Variants in HELZ observed in about 807,000 individuals in gnomAD.
HELZ encodes ATP-dependent RNA helicase with zinc finger domain.
Under a neutral mutation model 218.2 loss-of-function variants are expected in HELZ, and 23 were observed. The observed-to-expected ratio is 0.11, with a 90% confidence interval of 0.08 to 0.15. The LOEUF (loss-of-function observed/expected upper bound fraction) is 0.15, where lower values mean the gene tolerates loss of function less well. HELZ is among the 10% of genes least tolerant of loss of function. The probability of loss-of-function intolerance (pLI) is 1.00; values close to 1 mark genes in which losing one functional copy is unlikely to be tolerated. For missense variants in HELZ, 1,813 were observed against 2,353.7 expected (o/e 0.77, Z 4.75); for synonymous variants, 814 against 829.4 (o/e 0.98, Z 0.32).
intron 32 of HELZ, among the ~76,000 whole-genome samples, chr17:67,081,112 G>A (rs1033419980): frequency 4.6e-5 from 7 of 152,214 alleles, no homozygotes; most frequent in African/African-American, 1.4e-4. Flanking sequence ...TTGAAACACT[G>A]TCATGGCAGA....
At chr17:67,162,734 A>T (rs1416210760) in intron 15 of HELZ, among the ~76,000 whole-genome samples, 2 of 146,186 alleles carry the variant, frequency 1.4e-5, no homozygotes, top group African/African-American at 2.5e-5. Context: ...CTTATTGTTA[A>T]TTTTTTTTTT....
chr17:67,207,777 G>C (rs926515330), intron 5 of HELZ, among the ~76,000 whole-genome samples: 2 of 152,160 alleles, frequency 1.3e-5, no homozygotes, highest in African/African-American at 4.8e-5. Context: ...GGGAGCCTGA[G>C]GCAGGTGGAT....
chr17:67,189,731 T>C lies in HELZ; in HGVS notation c.757-35A>G, dbSNP rs748367361. The C allele has an allele frequency of 3.8e-6, 5 of 1,323,322 alleles. No individual in the cohort carries two copies. The South Asian group carries it at 4.7e-5, about 12-fold the overall frequency. 82.0% of individuals were successfully genotyped at this position (1,323,322 alleles called of 1,614,324 possible). A position where few individuals can be genotyped will look rare whatever the true frequency, so the allele number is the denominator to read the frequency against. On this transcript the variant is annotated intron_variant, in intron 10 of 32. Coordinates refer to ENST00000358691, the MANE Select transcript of HELZ (RefSeq NM_014877.4). ...GACAGCAATTTATGTTATGTTTTTA[T>C]TGCTAAGGGCACAAACAAAATCTTT...
chr17:67,187,949 T>C (rs2039800618), intron 12 of HELZ, among the ~76,000 whole-genome samples: 3 of 152,160 alleles, frequency 2.0e-5, no homozygotes, highest in South Asian at 2.1e-4. Context: ...GACATGAAAA[T>C]AAACATTGTA....
chr17:67,227,232 G>A (rs941885822), intron 3 of HELZ, among the ~76,000 whole-genome samples: 86 of 147,152 alleles, frequency 5.8e-4, no homozygotes, highest in Admixed American at 1.7e-3. Context: ...TCACTCTGTC[G>A]CCCAGGTTGG....
At chr17:67,170,596 G>A (rs2039279475) in intron 13 of HELZ, among the ~76,000 whole-genome samples, 1 of 151,980 alleles carries the variant, frequency 6.6e-6, no homozygotes, top group Non-Finnish European at 1.5e-5. Context: ...GGAGGCCGAG[G>A]CGGGAAGATC....
chr17:67,092,430 G>A (rs1265299130), intron 31 of HELZ, among the ~76,000 whole-genome samples: 3 of 152,132 alleles, frequency 2.0e-5, no homozygotes, highest in East Asian at 1.9e-4. Context: ...TAAAATTAGG[G>A]GGGTTAAATG....
At position 67,108,405 on chromosome 17, in the gene HELZ, C is replaced by A; in HGVS notation, c.4724+87G>T. On this transcript the variant is annotated intron_variant, in intron 30 of 32. Transcript: ENST00000358691. This position sits in a 1 kb window ranked among gnomAD's most constrained non-coding sequence, Gnocchi z 4.1. ...CATCCAATTTCTCTGAGGCAATATT[C>A]CAGCTTGAAGCTAAAAGGACTACAG... 1.0e-6 allele frequency: 1 copy of A among 968,952 alleles called. No individual in the cohort carries two copies. The allele number at this position is 968,952 out of a possible 1,614,324, so 60.0% of individuals were successfully genotyped here. A position where few individuals can be genotyped will look rare whatever the true frequency, so the allele number is the denominator to read the frequency against.
intron 7 of HELZ, among the ~76,000 whole-genome samples, chr17:67,198,867 A>G (rs2040095928): frequency 6.6e-6 from 1 of 152,186 alleles, no homozygotes; most frequent in Non-Finnish European, 1.5e-5. Flanking sequence ...AAAGACTACT[A>G]CTCTAGTTAG....
In HELZ at chr17:67,078,383, G is replaced by C; in HGVS notation, c.5698C>G (p.Leu1900Val). The C allele has an allele frequency of 6.2e-7, 1 of 1,610,198 alleles. No homozygotes were observed. Among genetic ancestry groups the C allele is most frequent in the African/African-American group, 1.3e-5 (1 of 74,766 alleles). ...GGCCTGGGCTTTGGAGGGGCCCGCA[G>C]AGCGCTGGCATAGGACATGGCGGGC... The part of the protein sequence containing the change: ...GKPAMSYASA[L>V]RAPPKPRPPP... The change falls in exon 33 of 33, where the codon CTG (leucine) becomes GTG (valine). Residue 1900 changes from leucine (L) to valine (V), a missense_variant. Leu to Val is a conservative substitution (Grantham distance 32). Transcript: ENST00000358691.
At chr17:67,208,074 C>T (rs576617345) in intron 5 of HELZ, among the ~76,000 whole-genome samples, 26 of 152,238 alleles carry the variant, frequency 1.7e-4, no homozygotes, top group African/African-American at 5.3e-4. Flanking sequence ...CTGAAAAGGT[C>T]ATATGCTATA....
At chr17:67,242,545 CA>C in intron 2 of HELZ, among the ~76,000 whole-genome samples, 1 of 131,432 alleles carries the variant, frequency 7.6e-6, no homozygotes, top group Non-Finnish European at 1.7e-5. Flanking sequence ...TGTATATATA[CA>C]CACATATATG....
chr17:67,190,284 T>G lies in HELZ; in HGVS notation c.629A>C (p.Glu210Ala). ...CCGTGAAGCATATCTTTTCTGCCAT[T>G]CTGCTAGTTCTTCCTGGGAATGTGC... ...TSAHSQEELA[E>A]WQKRYASRLI... Residue 210 changes from glutamate (E) to alanine (A), a missense_variant, in exon 10 of 33, where the codon GAA (glutamate) becomes GCA (alanine). Physicochemically the swap from Glu to Ala is moderately radical, Grantham distance 107 (BLOSUM62 -1). Around this residue, in one of 4 missense-constraint regions of HELZ, gnomAD observed 714 missense variants for 1,029.2 expected, o/e 0.69. Coordinates refer to ENST00000358691, the MANE Select transcript of HELZ (RefSeq NM_014877.4). 1 of 1,614,112 alleles carries G rather than the reference T, an allele frequency of 6.2e-7. No homozygotes were observed. Among genetic ancestry groups the G allele is most frequent in the Non-Finnish European group, 8.5e-7 (1 of 1,179,950 alleles).
At chr17:67,204,466 C>T (rs1270768496) in intron 5 of HELZ, among the ~76,000 whole-genome samples, 1 of 151,892 alleles carries the variant, frequency 6.6e-6, no homozygotes, top group Non-Finnish European at 1.5e-5. Context: ...TCTTTTTTGC[C>T]CTCAGCACAT....
At chr17:67,227,195 CT>C (rs879422345) in intron 3 of HELZ, among the ~76,000 whole-genome samples, 5,370 of 140,190 alleles carry the variant, frequency 0.038, 264 homozygotes, top group African/African-American at 0.12. Context: ...TCACATTTGA[CT>C]TTTTTTTTTT....
intron 2 of HELZ, among the ~76,000 whole-genome samples, chr17:67,242,367 G>A (rs563858551): frequency 2.7e-5 from 4 of 149,562 alleles, no homozygotes; most frequent in Non-Finnish European, 4.4e-5. Flanking sequence ...AGCTGAGATC[G>A]CGTCATTGCA....
At chr17:67,189,541 A>C (rs761911503) in intron 11 of HELZ, 48 bp downstream of exon 11, 1 of 1,253,254 alleles carries the variant, frequency 8.0e-7, no homozygotes, top group Non-Finnish European at 1.2e-6. Context: ...AAAAACGTTC[A>C]GAAAATTAAA....
chr17:67,150,914 GAGCC>G, intron 18 of HELZ, 128 bp downstream of exon 18: 1 of 698,150 alleles, frequency 1.4e-6, no homozygotes, highest in Non-Finnish European at 2.5e-6. Flanking sequence ...GTAAATAAAT[GAGCC>G]AGTAAAACTT....
At chr17:67,237,562 G>C (rs773615474) in intron 3 of HELZ, among the ~76,000 whole-genome samples, 1 of 152,014 alleles carries the variant, frequency 6.6e-6, no homozygotes, top group Non-Finnish European at 1.5e-5. Context: ...AATGTAGATA[G>C]ATTTTTTTTT....
Sources: allele counts gnomAD v4.1 joint callset (sites outside exome capture counted in the v4.1 genomes callset), GRCh38; gene constraint gnomAD v4.1.1; regional missense constraint gnomAD v4.1.1; non-coding constraint Gnocchi (gnomAD v3.1); transcripts MANE v1.5; gene names NCBI Gene and HGNC (gene_info 2026-07-23, HGNC 2026-07-21).